Variants in MYO5B observed in about 807,000 individuals in gnomAD.
The protein encoded by MYO5B is unconventional myosin-Vb.
In MYO5B, 143 loss-of-function variants were observed where a neutral mutation model predicts 229.3. That is an observed-to-expected ratio of 0.62 (90% CI 0.54 to 0.72). The LOEUF is 0.72. Among genes scored for constraint, MYO5B ranks in the 30% least tolerant of loss-of-function variants. The probability of loss-of-function intolerance (pLI) is 0.00; values close to 1 mark genes in which losing one functional copy is unlikely to be tolerated. For synonymous variants in MYO5B, 918 were observed against 885.2 expected (o/e 1.04, Z -0.66); for missense variants, 2,321 against 2,331.0 (o/e 1.00, Z 0.09).
intron 1 of MYO5B, among the ~76,000 whole-genome samples, chr18:50,174,282 C>G (rs1013339985): frequency 3.3e-5 from 5 of 152,166 alleles, no homozygotes; most frequent in East Asian, 3.8e-4. Flanking sequence ...TGGAGACAAA[C>G]AAGCTACTGA....
intron 39 of MYO5B, among the ~76,000 whole-genome samples, chr18:49,830,993 A>G (rs1388192334): frequency 6.6e-6 from 1 of 151,106 alleles, no homozygotes; most frequent in African/African-American, 2.4e-5. Flanking sequence ...AAAAACCCTC[A>G]TATTTTTGGT....
At chr18:50,016,133 A>ATCC (rs2026212857) in intron 4 of MYO5B, among the ~76,000 whole-genome samples, 1 of 152,214 alleles carries the variant, frequency 6.6e-6, no homozygotes, top group Non-Finnish European at 1.5e-5. Context: ...GGAAAGCATG[A>ATCC]TCAGAGTGCC....
intron 39 of MYO5B, among the ~76,000 whole-genome samples, chr18:49,834,330 C>A (rs1222371873): frequency 1.3e-5 from 2 of 152,134 alleles, no homozygotes; most frequent in African/African-American, 4.8e-5. Flanking sequence ...TGTTTTGTGT[C>A]AATATCCCTT....
rs9675445 is a variant in MYO5B, at chr18:49,849,246, T to C, written c.4315+321A>G. ...GTTACACAGCATTCTTTCACATCAA[T>C]CTTGCCTCCCAACTTCAAGCCGTTT... is the stretch of plus-strand genomic sequence containing the variant. On this transcript the variant is annotated intron_variant, in intron 32 of 39. Coordinates refer to ENST00000285039, the MANE Select transcript of MYO5B (RefSeq NM_001080467.3). Among the ~76,000 whole-genome samples the C allele has an allele frequency of 6.8e-3, 1,035 of 152,280 alleles. 12 individuals carry two copies. The highest frequency in any genetic ancestry group is 0.023 in the African/African-American group (965 of 41,544).
At chr18:50,183,963 T>C (rs1056614702) in intron 1 of MYO5B, among the ~76,000 whole-genome samples, 1 of 152,190 alleles carries the variant, frequency 6.6e-6, no homozygotes, top group East Asian at 1.9e-4. Context: ...TTCTCCACCA[T>C]GTTATGACAT....
chr18:50,151,464 A>C (rs1301279121), intron 1 of MYO5B, among the ~76,000 whole-genome samples: 1 of 152,184 alleles, frequency 6.6e-6, no homozygotes, highest in Non-Finnish European at 1.5e-5. Flanking sequence ...TATGATCTTA[A>C]ATTTCTACTA....
In MYO5B at chr18:49,853,595, C is replaced by T. The variant is rs756343557; in HGVS notation, c.4075G>A (p.Glu1359Lys). 1 of 1,614,088 alleles carries T rather than the reference C, an allele frequency of 6.2e-7. No individual in the cohort carries two copies. Among genetic ancestry groups the T allele is most frequent in the Non-Finnish European group, 8.5e-7 (1 of 1,180,038 alleles). The change falls in exon 31 of 40, where the codon GAG (glutamate) becomes AAG (lysine). Residue 1359 changes from glutamate (E) to lysine (K), a missense_variant. Transcript: ENST00000285039. ...GCCTCGAGCTGAGCCTTGAGATGCTCCACCTCCTCCTCATGCTCCAGGCTC... is the reference window on the plus strand; with the variant it reads ...GCCTCGAGCTGAGCCTTGAGATGCTTCACCTCCTCCTCATGCTCCAGGCTC... ...AQSLEHEEEVEHLKAQLEALK... is the reference protein window; with the variant it reads ...AQSLEHEEEVKHLKAQLEALK...
chr18:49,912,612 T>A (rs1278744394), intron 17 of MYO5B, among the ~76,000 whole-genome samples: 1 of 152,222 alleles, frequency 6.6e-6, no homozygotes, highest in Non-Finnish European at 1.5e-5. Flanking sequence ...CTGGTGGTTT[T>A]ACAAGGGGTT....
intron 14 of MYO5B, among the ~76,000 whole-genome samples, chr18:49,939,106 T>C (rs2025283564): frequency 2.0e-5 from 3 of 152,072 alleles, no homozygotes; most frequent in African/African-American, 7.2e-5. Flanking sequence ...GTTTTATTAC[T>C]TTTACTAGGG....
intron 1 of MYO5B, among the ~76,000 whole-genome samples, chr18:50,187,250 G>A (rs8085772): frequency 0.53 from 81,188 of 152,032 alleles, 21,849 homozygotes; most frequent in Admixed American, 0.61. Flanking sequence ...ACAAAAAGTA[G>A]TAATGAGTAC....
At chr18:49,887,855 T>TG (rs1038442995) in intron 22 of MYO5B, among the ~76,000 whole-genome samples, 31 of 152,016 alleles carry the variant, frequency 2.0e-4, no homozygotes, top group African/African-American at 7.2e-4. Flanking sequence ...TAATTTTTTT[T>TG]TTGTTGTATT....
chr18:50,021,107 A>G (rs2026268776), intron 4 of MYO5B, among the ~76,000 whole-genome samples: 2 of 152,178 alleles, frequency 1.3e-5, no homozygotes, highest in African/African-American at 4.8e-5. Flanking sequence ...AGGAACATAT[A>G]TGCACACACA....
At chr18:50,039,959 C>G (rs2029960385) in intron 3 of MYO5B, among the ~76,000 whole-genome samples, 184 bp downstream of exon 3, 1 of 152,150 alleles carries the variant, frequency 6.6e-6, no homozygotes, top group Admixed American at 6.5e-5. Context: ...CACCAATCAT[C>G]CCACAGAGAC....
intron 39 of MYO5B, among the ~76,000 whole-genome samples, chr18:49,834,711 T>C (rs2023965846): frequency 6.6e-6 from 1 of 152,100 alleles, no homozygotes; most frequent in Non-Finnish European, 1.5e-5. Flanking sequence ...CAATCTCGGC[T>C]CACTGCAAGC....
chr18:49,931,595 C>A (rs1385814590), intron 16 of MYO5B, among the ~76,000 whole-genome samples: 1 of 152,166 alleles, frequency 6.6e-6, no homozygotes, highest in African/African-American at 2.4e-5. Flanking sequence ...TCACTGCCTG[C>A]TCACCCTCTC....
At chr18:49,859,298 G>C (rs1473071369) in intron 29 of MYO5B, among the ~76,000 whole-genome samples, 2 of 152,164 alleles carry the variant, frequency 1.3e-5, no homozygotes, top group African/African-American at 4.8e-5. Context: ...GTTTCTTCCA[G>C]ATCTTATAAA....
Position 49,891,555 on chromosome 18 carries a change from T to C in MYO5B, c.3045+3386A>G, listed in dbSNP as rs541403125. On this transcript the variant is annotated intron_variant, in intron 22 of 39. Coordinates refer to ENST00000285039, the MANE Select transcript of MYO5B (RefSeq NM_001080467.3). ...TGCTGAATGAAGGACCATGAGCTTC[T>C]GTGCTTTCTGCAGCAAGACAACGTC... 9.8e-5 allele frequency among the ~76,000 whole-genome samples: 15 copies of C among 152,328 alleles called. No homozygotes were observed. The South Asian group carries it at 2.9e-3, about 30-fold the overall frequency.
chr18:49,903,123 T>C (rs1179349679), intron 20 of MYO5B, among the ~76,000 whole-genome samples: 2 of 152,216 alleles, frequency 1.3e-5, no homozygotes, highest in Non-Finnish European at 1.5e-5. Flanking sequence ...CTCAAGGTTG[T>C]AGGGGCCTAA....
intron 7 of MYO5B, among the ~76,000 whole-genome samples, chr18:49,987,670 G>C (rs147084583): frequency 2.0e-5 from 3 of 152,278 alleles, no homozygotes; most frequent in African/African-American, 7.2e-5. Flanking sequence ...GGGAGGCTAT[G>C]CTCTGACCTA....
Sources: allele counts gnomAD v4.1 joint callset (sites outside exome capture counted in the v4.1 genomes callset), GRCh38; gene constraint gnomAD v4.1.1; transcripts MANE v1.5; gene names NCBI Gene and HGNC (gene_info 2026-07-23, HGNC 2026-07-21).